Variants in SLC41A2 observed in about 807,000 individuals in gnomAD.
SLC41A2 encodes the protein SLC41A1-like 1.
Under a neutral mutation model 58.3 loss-of-function variants are expected in SLC41A2, and 32 were observed. The ratio of observed to expected loss-of-function variants is 0.55; its 90% CI spans 0.41 to 0.74. The LOEUF (loss-of-function observed/expected upper bound fraction) is 0.74, where lower values mean the gene tolerates loss of function less well. SLC41A2 is among the 30% of genes least tolerant of loss of function. The probability of loss-of-function intolerance (pLI) is 0.00; values close to 1 mark genes in which losing one functional copy is unlikely to be tolerated. For synonymous variants in SLC41A2, 190 were observed against 235.0 expected, an observed-to-expected ratio of 0.81 and a Z score of 1.75; for missense variants, 514 against 680.6, an observed-to-expected ratio of 0.76 and a Z score of 2.72.
chr12:104,876,651 C>G (rs2044061005), intron 6 of SLC41A2, among the ~76,000 whole-genome samples: 1 of 152,110 alleles, frequency 6.6e-6, no homozygotes, highest in African/African-American at 2.4e-5. Flanking sequence ...TCTTAAATTT[C>G]AATCTTCTCA....
intron 10 of SLC41A2, among the ~76,000 whole-genome samples, chr12:104,837,050 T>C (rs2042236081): frequency 6.6e-6 from 1 of 152,194 alleles, no homozygotes; most frequent in Non-Finnish European, 1.5e-5. Flanking sequence ...CCTAGCTTAG[T>C]AATGGTTTAT....
intron 10 of SLC41A2, among the ~76,000 whole-genome samples, chr12:104,825,751 G>A (rs747966474): frequency 1.1e-4 from 17 of 152,130 alleles, no homozygotes; most frequent in Admixed American, 4.6e-4. Context: ...AACCAGGTGC[G>A]AGGGATTCAA....
At chr12:104,833,965 ATT>A in intron 10 of SLC41A2, 1 of 952,100 alleles carries the variant, frequency 1.1e-6, no homozygotes, top group Non-Finnish European at 1.3e-6. Context: ...TGTCAGCAGG[ATT>A]CAGAGCACAG....
At chr12:104,854,896 CCTGT>C (rs1352183362) in intron 8 of SLC41A2, among the ~76,000 whole-genome samples, 3 of 152,074 alleles carry the variant, frequency 2.0e-5, no homozygotes, top group Non-Finnish European at 2.9e-5. Flanking sequence ...TGTATTTTCA[CCTGT>C]CTTTCTTCAA....
rs1459590960 is a variant in SLC41A2 at position 104,905,156 on chromosome 12, G to C, written c.663+4499C>G. On this transcript the variant is annotated intron_variant, in intron 3 of 10. Transcript: ENST00000258538. ...CTCCAAGGCCCCACCAGAGCAGCTAGATACAGAGTGTCGATTGGTGCACTC... is the reference window on the plus strand; with the variant it reads ...CTCCAAGGCCCCACCAGAGCAGCTACATACAGAGTGTCGATTGGTGCACTC... Among the ~76,000 whole-genome samples, 3 of 152,110 alleles carry C rather than the reference G, an allele frequency of 2.0e-5. 1 individual carries two copies. The highest frequency in any genetic ancestry group is 7.2e-5 in the African/African-American group (3 of 41,420).
At chr12:104,898,775 T>C (rs549979556) in intron 3 of SLC41A2, among the ~76,000 whole-genome samples, 1 of 152,230 alleles carries the variant, frequency 6.6e-6, no homozygotes, top group South Asian at 2.1e-4. Flanking sequence ...CAAAGAACTC[T>C]TAAAACTCAA....
chr12:104,873,820 T>C (rs1034592715), intron 6 of SLC41A2, among the ~76,000 whole-genome samples: 3 of 152,210 alleles, frequency 2.0e-5, no homozygotes, highest in Admixed American at 6.5e-5. Context: ...GTCATTTTTA[T>C]GTGCTCTTGG....
chr12:104,923,102 C>G (rs971560844), intron 2 of SLC41A2, among the ~76,000 whole-genome samples: 3 of 150,916 alleles, frequency 2.0e-5, no homozygotes, highest in African/African-American at 7.3e-5. Flanking sequence ...GTGGCTCATG[C>G]CTGTAATCCC....
chr12:104,927,897 A>G, intron 2 of SLC41A2, 76 bp downstream of exon 2: 1 of 1,313,016 alleles, frequency 7.6e-7, no homozygotes, highest in Non-Finnish European at 1.0e-6. Flanking sequence ...TGAGAGTAGT[A>G]ACCTACATAA....
chr12:104,839,873 TTA>T (rs1409436478), intron 10 of SLC41A2, among the ~76,000 whole-genome samples: 4 of 152,226 alleles, frequency 2.6e-5, no homozygotes, highest in African/African-American at 9.6e-5. Context: ...GATGACATGT[TTA>T]TGTTTTTGTT....
In SLC41A2 at chr12:104,928,164, C is replaced by CCCTT; in HGVS notation, c.360_363dup (p.Glu122LysfsTer13). On this transcript the variant is annotated frameshift_variant, in exon 2 of 11. Transcript: ENST00000258538. LOFTEE classifies it high-confidence loss of function. ...AACATGGCAGTGGTTTCTGAAGTCT[C>CCCTT]CCTTCCATCACAGTAATTATAATTG... is the stretch of plus-strand genomic sequence containing the variant. The CCCTT allele has an allele frequency of 6.2e-7, 1 of 1,614,164 alleles. No individual in the cohort carries two copies. Among genetic ancestry groups the CCCTT allele is most frequent in the Non-Finnish European group, 8.5e-7 (1 of 1,180,028 alleles).
intron 5 of SLC41A2, among the ~76,000 whole-genome samples, chr12:104,888,255 G>C (rs2044770982): frequency 1.3e-5 from 2 of 151,950 alleles, no homozygotes; most frequent in South Asian, 4.1e-4. Flanking sequence ...TGGAAATCGA[G>C]TTATAATTTT....
At chr12:104,914,491 C>A in intron 2 of SLC41A2, among the ~76,000 whole-genome samples, 1 of 152,128 alleles carries the variant, frequency 6.6e-6, no homozygotes, top group Admixed American at 6.5e-5. Context: ...AAAGACATAC[C>A]ATCCAAAGAA....
intron 6 of SLC41A2, among the ~76,000 whole-genome samples, chr12:104,882,571 C>A (rs370640404): frequency 6.6e-6 from 1 of 152,036 alleles, no homozygotes; most frequent in Non-Finnish European, 1.5e-5. Flanking sequence ...TTCTCCTTCA[C>A]TTATGAAGCT....
At chr12:104,872,797 T>C (rs2043852344) in intron 6 of SLC41A2, among the ~76,000 whole-genome samples, 1 of 152,214 alleles carries the variant, frequency 6.6e-6, no homozygotes, top group Non-Finnish European at 1.5e-5. Flanking sequence ...TTAGTACATG[T>C]ATGAAAGCTA....
At chr12:104,914,470 C>T (rs557529627) in intron 2 of SLC41A2, among the ~76,000 whole-genome samples, 1 of 152,196 alleles carries the variant, frequency 6.6e-6, no homozygotes, top group Non-Finnish European at 1.5e-5. Flanking sequence ...TACTGAAAAC[C>T]CAGTTCTGCA....
chr12:104,804,856 A>G lies in SLC41A2; in HGVS notation c.*296T>C, dbSNP rs2040834854. The stretch of plus-strand genomic sequence containing the variant: ...ACATTTCTGCTATGTTTGTGGTTTT[A>G]AAATTATTCACTGTAAACATCCTAT... On this transcript the variant is annotated 3_prime_UTR_variant, in exon 11 of 11. Coordinates refer to ENST00000258538, the MANE Select transcript of SLC41A2 (RefSeq NM_001352171.3). 5.2e-6 allele frequency: 1 copy of G among 191,172 alleles called. No individual in the cohort carries two copies. Among genetic ancestry groups the G allele is most frequent in the Admixed American group, 5.9e-5 (1 of 16,994 alleles). 11.8% of individuals were successfully genotyped at this position (191,172 alleles called of 1,614,324 possible).
chr12:104,863,875 G>A (rs11112214), intron 7 of SLC41A2, among the ~76,000 whole-genome samples: 11,356 of 151,670 alleles, frequency 0.075, 483 homozygotes, highest in Middle Eastern at 0.11. Flanking sequence ...AACTTTTTAG[G>A]TACCTATTAC....
At chr12:104,864,390 C>T (rs1037380720) in intron 7 of SLC41A2, among the ~76,000 whole-genome samples, 9 of 152,142 alleles carry the variant, frequency 5.9e-5, no homozygotes, top group Non-Finnish European at 1.0e-4. Flanking sequence ...AAATAATTTT[C>T]TCTCAGAATT....
Sources: allele counts gnomAD v4.1 joint callset (sites outside exome capture counted in the v4.1 genomes callset), GRCh38; gene constraint gnomAD v4.1.1; transcripts MANE v1.5; gene names NCBI Gene and HGNC (gene_info 2026-07-23, HGNC 2026-07-21).